NELFCD: variants seen among roughly 807,000 people sequenced by gnomAD.
NELFCD encodes negative elongation factor C/D.
NELFCD carries 48 observed loss-of-function variants against 72.9 expected under a neutral mutation model. The ratio of observed to expected loss-of-function variants is 0.66; its 90% CI spans 0.52 to 0.84. The LOEUF (loss-of-function observed/expected upper bound fraction) is 0.84, where lower values mean the gene tolerates loss of function less well. Among genes scored for constraint, NELFCD ranks in the 40% least tolerant of loss-of-function variants. The probability of loss-of-function intolerance (pLI) is 0.00; values close to 1 mark genes in which losing one functional copy is unlikely to be tolerated. For synonymous variants in NELFCD, 297 were observed against 280.6 expected (o/e 1.06, Z -0.59); for missense variants, 538 against 723.8 (o/e 0.74, Z 2.94).
chr20:58,990,757 C>CA lies in NELFCD; in HGVS notation c.789-152dup, dbSNP rs752693656. On this transcript the variant is annotated intron_variant, in intron 7 of 14. Transcript: ENST00000652272. ...GCAAGCTGTATTGGAATCACTTTTC[C>CA]AGTGTTGTAAATGTTATTTTTGTGG... 2.1e-4 allele frequency: 134 copies of CA among 636,782 alleles called. 1 individual carries two copies. The highest frequency in any genetic ancestry group is 3.3e-4 in the Non-Finnish European group (122 of 372,288). The allele number at this position is 636,782 out of a possible 1,614,324, so 39.4% of individuals were successfully genotyped here.
intron 10 of NELFCD, 73 bp downstream of exon 10, chr20:58,992,093 C>T: frequency 2.1e-6 from 3 of 1,449,288 alleles, no homozygotes; most frequent in Non-Finnish European, 2.8e-6. Flanking sequence ...ATATTGAAAG[C>T]TCAAATAACA....
Position 58,993,424 on chromosome 20 carries a change from G to A in NELFCD, c.1345-25G>A, listed in dbSNP as rs1258238178. 6.8e-6 allele frequency: 11 copies of A among 1,608,796 alleles called. No individual in the cohort carries two copies. Among genetic ancestry groups the A allele is most frequent in the Non-Finnish European group, 7.6e-6 (9 of 1,176,734 alleles). On this transcript the variant is annotated intron_variant, in intron 11 of 14. Transcript: ENST00000652272. The surrounding 1 kb of genome is among the most constrained non-coding windows in gnomAD (Gnocchi z 5.0). The stretch of plus-strand genomic sequence containing the variant: ...GCTGAGCGTGACCACACTGCTCAGC[G>A]AAGCTCCCTCTGGCCTGTTTGTAGA...
chr20:58,990,167 C>T (rs894399731), intron 7 of NELFCD, 179 bp downstream of exon 7: 12 of 715,366 alleles, frequency 1.7e-5, no homozygotes, highest in South Asian at 1.3e-4. Context: ...GAGGCCGAGG[C>T]GGATGGATCA....
At position 58,992,000 on chromosome 20, in the gene NELFCD, C is replaced by T. The variant is rs2091821073; in HGVS notation, c.1209C>T (p.Ser403=). The change falls in exon 10 of 15, where the codon AGC becomes AGT. Residue 403 remains serine, a synonymous_variant. Transcript: ENST00000652272. ...KGASELVAEL[S]TLYQCIRFPV... ...CCTCTGAACTAGTGGCAGAATTGAG[C>T]ACACTTTATCAGTGTATTAGGTAAG... 1 of 1,614,144 alleles carries T rather than the reference C, an allele frequency of 6.2e-7. No homozygotes were observed.
chr20:58,989,805 C>T, intron 6 of NELFCD, 53 bp from the exon 7 acceptor site: 1 of 1,612,626 alleles, frequency 6.2e-7, no homozygotes, highest in Non-Finnish European at 8.5e-7. Flanking sequence ...TCTCGTCCGC[C>T]CGTCTGTGCT....
At chr20:58,988,041 A>G (rs1033772599) in intron 4 of NELFCD, 19 of 529,502 alleles carry the variant, frequency 3.6e-5, no homozygotes, top group African/African-American at 3.1e-4. Context: ...GATCAAGAGA[A>G]TGAACAGCAA....
chr20:58,992,102 CAA>C (rs2091822110), intron 10 of NELFCD, 82 bp downstream of exon 10: 1 of 1,401,308 alleles, frequency 7.1e-7, no homozygotes, highest in African/African-American at 1.4e-5. Context: ...GCTCAAATAA[CAA>C]AAGCTTCAGC....
intron 4 of NELFCD, 55 bp downstream of exon 4, chr20:58,987,872 C>T (rs1230034164): frequency 2.2e-6 from 3 of 1,350,176 alleles, no homozygotes; most frequent in Middle Eastern, 1.8e-4. Context: ...TTTGCAAATT[C>T]CCTGTGTACA....
intron 5 of NELFCD, 105 bp from the exon 6 acceptor site, chr20:58,989,383 C>G (rs2091796254): frequency 7.3e-7 from 1 of 1,361,548 alleles, no homozygotes; most frequent in Admixed American, 1.8e-5. Flanking sequence ...AGACCCACGA[C>G]CAGCGCACAC....
At chr20:58,981,763 A>T (rs1042576159) in intron 1 of NELFCD, among the ~76,000 whole-genome samples, 9 of 152,178 alleles carry the variant, frequency 5.9e-5, no homozygotes, top group African/African-American at 2.2e-4. Flanking sequence ...AGACTTTTAA[A>T]CAAAAATAAA....
In NELFCD at chr20:58,990,989, A is replaced by G; in HGVS notation, c.868A>G (p.Met290Val). The change falls in exon 8 of 15, where the codon ATG becomes GTG. Residue 290 changes from methionine to valine, a missense_variant. Physicochemically the swap from Met to Val is conservative, Grantham distance 21 (BLOSUM62 1). This residue lies in a region of NELFCD where 355 missense variants were observed against 534.5 expected (regional missense o/e 0.66). Coordinates refer to ENST00000652272, the MANE Select transcript of NELFCD (RefSeq NM_198976.4). ...CAGGGCCTGCCAGGCTCTCGGGGCC[A>G]TGCTGTCCAAAGGAGCCCTGAACCC... The part of the protein sequence containing the change: ...YPRACQALGA[M>V]LSKGALNPAD... The G allele has an allele frequency of 1.9e-6, 3 of 1,614,182 alleles. No individual in the cohort carries two copies. The highest frequency in any genetic ancestry group is 2.5e-6 in the Non-Finnish European group (3 of 1,180,036).
Position 58,993,790 on chromosome 20 carries a change from G to A in NELFCD, c.1581+26G>A, listed in dbSNP as rs766138039. 1 of 1,611,516 alleles carries A rather than the reference G, an allele frequency of 6.2e-7. No homozygotes were observed. The highest frequency in any genetic ancestry group is 1.1e-5 in the South Asian group (1 of 90,890). On this transcript the variant is annotated intron_variant, in intron 13 of 14. Coordinates refer to ENST00000652272, the MANE Select transcript of NELFCD (RefSeq NM_198976.4). This position sits in a 1 kb window ranked among gnomAD's most constrained non-coding sequence, Gnocchi z 5.0. ...GTCAGCAATGCACCGTTGGTTTCAT[G>A]TTTCATACTGTTTACACTAGCACTG...
Position 58,993,604 on chromosome 20 carries a change from C to G in NELFCD, c.1441-20C>G, listed in dbSNP as rs753856234. ...AGGAGGACCCTCTCTAACCAGCTCCCTGTCCCCCTTCTTCTGTAGCTTGAG... is the reference window on the plus strand; with the variant it reads ...AGGAGGACCCTCTCTAACCAGCTCCGTGTCCCCCTTCTTCTGTAGCTTGAG... On this transcript the variant is annotated intron_variant, in intron 12 of 14. Transcript: ENST00000652272. The surrounding 1 kb of genome is among the most constrained non-coding windows in gnomAD (Gnocchi z 5.0). 1.2e-6 allele frequency: 2 copies of G among 1,614,248 alleles called. No homozygotes were observed. Among genetic ancestry groups the G allele is most frequent in the Non-Finnish European group, 1.7e-6 (2 of 1,180,032 alleles).
chr20:58,989,686 G>T, intron 6 of NELFCD, 46 bp downstream of exon 6: 1 of 1,613,528 alleles, frequency 6.2e-7, no homozygotes, highest in Non-Finnish European at 8.5e-7. Flanking sequence ...AGGCTGCTTT[G>T]GGTCTTGGTT....
In NELFCD at chr20:58,994,919, C is replaced by T; in HGVS notation, c.*243C>T. ...AAATCCTGTTTTCAGTGTTCATTTC[C>T]CTCAAGGCAGGCGCTGGGCTCCCAC... is the stretch of plus-strand genomic sequence containing the variant. On this transcript the variant is annotated 3_prime_UTR_variant, in exon 15 of 15. Transcript: ENST00000652272. 1.9e-6 allele frequency: 1 copy of T among 518,126 alleles called. No homozygotes were observed. Among genetic ancestry groups the T allele is most frequent in the Admixed American group, 3.7e-5 (1 of 27,316 alleles). The allele number at this position is 518,126 out of a possible 1,614,324, so 32.1% of individuals were successfully genotyped here. A position where few individuals can be genotyped will look rare whatever the true frequency, so the allele number is the denominator to read the frequency against.
chr20:58,988,835 G>T, intron 4 of NELFCD, 79 bp from the exon 5 acceptor site: 1 of 1,057,558 alleles, frequency 9.5e-7, no homozygotes, highest in South Asian at 1.3e-5. Flanking sequence ...AATCTCCTGT[G>T]ATCGTTTATA....
chr20:58,989,741 G>C lies in NELFCD; in HGVS notation c.657+101G>C. The C allele has an allele frequency of 1.2e-6, 2 of 1,607,422 alleles. No individual in the cohort carries two copies. The highest frequency in any genetic ancestry group is 1.7e-6 in the Non-Finnish European group (2 of 1,174,158). On this transcript the variant is annotated intron_variant, in intron 6 of 14. Transcript: ENST00000652272. ...TTCCCTGGAGAGAATCTCCATTTCT[G>C]AGGGCACCTTCCAGGATGCTCACTC...
intron 1 of NELFCD, among the ~76,000 whole-genome samples, chr20:58,983,534 G>C (rs2091752247): frequency 6.6e-6 from 1 of 151,692 alleles, no homozygotes. Flanking sequence ...CCACCTCCTG[G>C]GTTCAAGTGA....
At position 58,994,966 on chromosome 20, in the gene NELFCD, C is replaced by T; in HGVS notation, c.*290C>T. The stretch of plus-strand genomic sequence containing the variant: ...CCACGACCCCTCAGGACAGATCTGG[C>T]CGTCAGCCGCGGGCCGCTGGGAACT... On this transcript the variant is annotated 3_prime_UTR_variant, in exon 15 of 15. Coordinates refer to ENST00000652272, the MANE Select transcript of NELFCD (RefSeq NM_198976.4). 1 of 356,382 alleles carries T rather than the reference C, an allele frequency of 2.8e-6. No individual in the cohort carries two copies. Among genetic ancestry groups the T allele is most frequent in the Non-Finnish European group, 5.0e-6 (1 of 198,158 alleles). 22.1% of individuals were successfully genotyped at this position (356,382 alleles called of 1,614,324 possible).
Sources: allele counts gnomAD v4.1 joint callset (sites outside exome capture counted in the v4.1 genomes callset), GRCh38; gene constraint gnomAD v4.1.1; regional missense constraint gnomAD v4.1.1; non-coding constraint Gnocchi (gnomAD v3.1); transcripts MANE v1.5; gene names NCBI Gene and HGNC (gene_info 2026-07-23, HGNC 2026-07-21).